Variants in WDR26 observed in about 807,000 individuals in gnomAD.
WDR26 encodes WD repeat domain 26.
In WDR26, 5 loss-of-function variants were observed where a neutral mutation model predicts 84.1. That is an observed-to-expected ratio of 0.06 (90% confidence interval 0.03 to 0.13). WDR26 has a LOEUF of 0.13. WDR26 is among the 10% of genes least tolerant of loss of function. WDR26 has a pLI of 1.00. For missense variants in WDR26, 642 were observed against 974.9 expected (o/e 0.66, Z 4.55); for synonymous variants, 415 against 389.6 (o/e 1.07, Z -0.77).
chr1:224,433,613 C>CCCAAACCCAAA, intron 1 of WDR26, 71 bp downstream of exon 1: 1 of 980,038 alleles, frequency 1.0e-6, no homozygotes, highest in Non-Finnish European at 1.3e-6. Context: ...CCCCTCCGCC[C>CCCAAACCCAAA]CTTCCCCTAC....
intron 6 of WDR26, among the ~76,000 whole-genome samples, chr1:224,412,317 T>C (rs544126415): frequency 2.6e-5 from 4 of 152,332 alleles, no homozygotes; most frequent in East Asian, 3.9e-4. Context: ...ATGGGAGCAG[T>C]AGTCTGACAG....
chr1:224,407,153 T>A (rs78251222), intron 7 of WDR26, among the ~76,000 whole-genome samples: 1,003 of 28,100 alleles, frequency 0.036, 36 homozygotes, highest in East Asian at 0.16. Flanking sequence ...AAAAAAAAAA[T>A]ATATATATAT....
rs1673190538 is a variant in WDR26, at chr1:224,393,919, T to C, written c.2169A>G (p.Pro723=). 2 of 1,594,054 alleles carry C rather than the reference T, an allele frequency of 1.3e-6. No individual in the cohort carries two copies. Among genetic ancestry groups the C allele is most frequent in the East Asian group, 2.2e-5 (1 of 44,626 alleles). The change falls in exon 13 of 14, where the codon CCA becomes CCG. Residue 723 remains proline (P), a synonymous_variant. Coordinates refer to ENST00000414423, the MANE Select transcript of WDR26 (RefSeq NM_001379403.1). ...CGCTGGCCATCATGGATGGAATCTG[T>C]GGGTTCCAGCTCACACAGTTTACTG...
chr1:224,414,621 G>T (rs1673840976), intron 6 of WDR26, among the ~76,000 whole-genome samples: 1 of 152,088 alleles, frequency 6.6e-6, no homozygotes, highest in Non-Finnish European at 1.5e-5. Context: ...TTCTAAAAGA[G>T]TAAAGAAAGT....
chr1:224,416,894 CAA>C, intron 6 of WDR26, among the ~76,000 whole-genome samples: 1 of 152,118 alleles, frequency 6.6e-6, no homozygotes, highest in East Asian at 1.9e-4. Context: ...CAATTTTATA[CAA>C]AAAGATTTTT....
At chr1:224,430,398 T>C (rs1558447046) in intron 3 of WDR26, 1 of 152,166 alleles carries the variant, frequency 6.6e-6, no homozygotes, top group Non-Finnish European at 1.5e-5. Context: ...TTTGCATTTA[T>C]TCTTGCTTGT....
intron 4 of WDR26, 76 bp from the exon 5 acceptor site, chr1:224,419,691 A>G: frequency 9.0e-7 from 1 of 1,110,564 alleles, no homozygotes; most frequent in Non-Finnish European, 1.4e-6. Flanking sequence ...AGTACTGACC[A>G]TCTGGCTATC....
intron 3 of WDR26, among the ~76,000 whole-genome samples, chr1:224,425,266 G>A (rs1674176669): frequency 6.6e-6 from 1 of 152,196 alleles, no homozygotes; most frequent in Non-Finnish European, 1.5e-5. Flanking sequence ...TACAACTAAC[G>A]TGGACAAGCA....
At chr1:224,394,451 A>G (rs1673205062) in intron 12 of WDR26, among the ~76,000 whole-genome samples, 1 of 152,168 alleles carries the variant, frequency 6.6e-6, no homozygotes, top group South Asian at 2.1e-4. Context: ...CAAGTACTTA[A>G]TGCATATTAT....
chr1:224,433,974 G>A lies in WDR26; in HGVS notation c.432C>T (p.Pro144=), dbSNP rs1267728543. Residue 144 remains proline, a synonymous_variant, in exon 1 of 14, where the codon CCC becomes CCT. Transcript: ENST00000414423. The stretch of plus-strand genomic sequence containing the variant: ...GGTCCCCCGCGGACGACGACGACGA[G>A]GGGGACGACTCCCCGTTCTGGGCCG... The A allele has an allele frequency of 5.3e-5, 81 of 1,530,088 alleles. No homozygotes were observed. The highest frequency in any genetic ancestry group is 6.9e-5 in the Non-Finnish European group (79 of 1,142,170). The allele number at this position is 1,530,088 out of a possible 1,614,324, so 94.8% of individuals were successfully genotyped here.
intron 6 of WDR26, among the ~76,000 whole-genome samples, chr1:224,417,468 G>C (rs1170276974): frequency 6.6e-6 from 1 of 152,200 alleles, no homozygotes; most frequent in African/African-American, 2.4e-5. Context: ...GCTTTGGGAG[G>C]CCAAGGCAGA....
intron 7 of WDR26, among the ~76,000 whole-genome samples, chr1:224,407,567 G>A (rs1172443174): frequency 2.0e-5 from 3 of 147,526 alleles, no homozygotes; most frequent in African/African-American, 5.0e-5. Flanking sequence ...GGAGTGCAGT[G>A]GCGCAATCTC....
At chr1:224,403,359 T>C (rs1441791699) in intron 8 of WDR26, among the ~76,000 whole-genome samples, 2 of 152,050 alleles carry the variant, frequency 1.3e-5, no homozygotes, top group Admixed American at 1.3e-4. Flanking sequence ...CACAAATGCA[T>C]GTTTCTATGC....
intron 8 of WDR26, 51 bp downstream of exon 8, chr1:224,404,379 A>G (rs1409139819): frequency 3.1e-6 from 5 of 1,593,258 alleles, no homozygotes; most frequent in Non-Finnish European, 4.3e-6. Context: ...GAATATGTAC[A>G]TTATGACTAT....
rs192381072 is a variant in WDR26, at chr1:224,431,995, A to T, written c.723-214T>A. 1.3e-4 allele frequency among the ~76,000 whole-genome samples: 20 copies of T among 152,338 alleles called. No individual in the cohort carries two copies. In the East Asian group the frequency reaches 3.7e-3, roughly 28 times the overall value. ...AGTTAAAAACCTTTCTTGAAACCAG[A>T]ATCAATGTAAGTTCTTCCTAGTTTG... On this transcript the variant is annotated intron_variant, in intron 1 of 13. Transcript: ENST00000414423.
Position 224,398,505 on chromosome 1 carries a change from A to C in WDR26, c.1944+10T>G, listed in dbSNP as rs769883149. The C allele has an allele frequency of 9.9e-5, 158 of 1,597,518 alleles. No homozygotes were observed. The highest frequency in any genetic ancestry group is 1.3e-4 in the Non-Finnish European group (154 of 1,173,316). On this transcript the variant is annotated intron_variant, in intron 11 of 13. Transcript: ENST00000414423. ...CCAAATTTTTCAGAAAATTATACTA[A>C]TAAACATACCTGAGTTGCTACATTT...
intron 4 of WDR26, among the ~76,000 whole-genome samples, chr1:224,421,543 T>C (rs1025541265): frequency 4.6e-5 from 7 of 152,126 alleles, no homozygotes; most frequent in African/African-American, 1.7e-4. Flanking sequence ...TGAGCCGAGA[T>C]TGCGCCACTA....
chr1:224,420,393 G>A (rs2102914880), intron 4 of WDR26, among the ~76,000 whole-genome samples: 1 of 152,286 alleles, frequency 6.6e-6, no homozygotes, highest in Non-Finnish European at 1.5e-5. Flanking sequence ...ATTCAAACAT[G>A]GAGATTAGAC....
chr1:224,389,653 T>G lies in WDR26; in HGVS notation c.*182A>C. ...CAACGTTCTAACGACGTGCTTCATC[T>G]CAACTGGTTACTATGAAGCAAGGTG... is the stretch of plus-strand genomic sequence containing the variant. On this transcript the variant is annotated 3_prime_UTR_variant, in exon 14 of 14. Coordinates refer to ENST00000414423, the MANE Select transcript of WDR26 (RefSeq NM_001379403.1). 1.5e-6 allele frequency: 1 copy of G among 655,230 alleles called. No individual in the cohort carries two copies. The highest frequency in any genetic ancestry group is 2.7e-6 in the Non-Finnish European group (1 of 374,484). The allele number at this position is 655,230 out of a possible 1,614,324, so 40.6% of individuals were successfully genotyped here.
Sources: allele counts gnomAD v4.1 joint callset (sites outside exome capture counted in the v4.1 genomes callset), GRCh38; gene constraint gnomAD v4.1.1; transcripts MANE v1.5; gene names NCBI Gene and HGNC (gene_info 2026-07-23, HGNC 2026-07-21).